ZNF696: variants seen among roughly 807,000 people sequenced by gnomAD.
The protein encoded by ZNF696 is zinc finger protein 696.
A neutral mutation model predicts 12.3 loss-of-function variants in ZNF696; 10 were observed. The observed-to-expected ratio is 0.81, with a 90% CI of 0.50 to 1.38. The LOEUF (loss-of-function observed/expected upper bound fraction) is 1.38, where lower values mean the gene tolerates loss of function less well. Ranked by LOEUF, ZNF696 falls within the 40% of genes most tolerant of loss-of-function variation. ZNF696 has a pLI of 0.00. For missense variants in ZNF696, 675 were observed against 554.7 expected, an observed-to-expected ratio of 1.22 and a Z score of -2.18; for synonymous variants, 304 against 243.9, an observed-to-expected ratio of 1.25 and a Z score of -2.29.
At position 143,298,664 on chromosome 8, in the gene ZNF696, A is replaced by G. The variant is rs1049266306; in HGVS notation, c.*1864A>G. Among the ~76,000 whole-genome samples the G allele has an allele frequency of 6.6e-6, 1 of 152,224 alleles. No homozygotes were observed. The highest frequency in any genetic ancestry group is 2.4e-5 in the African/African-American group (1 of 41,456). ...TCATCATACAGGTGAGAGGATAGTTATGTGTGAGGTGTTCAAAGAAGTCGC... is the reference window on the plus strand; with the variant it reads ...TCATCATACAGGTGAGAGGATAGTTGTGTGTGAGGTGTTCAAAGAAGTCGC... On this transcript the variant is annotated 3_prime_UTR_variant, in exon 3 of 3. Coordinates refer to ENST00000330143, the MANE Select transcript of ZNF696 (RefSeq NM_030895.3).
In ZNF696 at chr8:143,296,015, G is replaced by A. The variant is rs763972581; in HGVS notation, c.340G>A (p.Ala114Thr). ...SDVPPNAGPG[A>T]EGGGSWKGRP... ...CGTCCCTCCGAACGCAGGCCCCGGC[G>A]CAGAGGGCGGGGGCAGCTGGAAGGG... The change falls in exon 3 of 3, where the codon GCA becomes ACA. Residue 114 changes from alanine (A) to threonine (T), a missense_variant. Coordinates refer to ENST00000330143, the MANE Select transcript of ZNF696 (RefSeq NM_030895.3). 5 of 1,595,446 alleles carry A rather than the reference G, an allele frequency of 3.1e-6. No individual in the cohort carries two copies. Among genetic ancestry groups the A allele is most frequent in the Middle Eastern group, 1.7e-4 (1 of 6,044 alleles).
In ZNF696 at chr8:143,296,688, G is replaced by C; in HGVS notation, c.1013G>C (p.Arg338Pro). The C allele has an allele frequency of 6.4e-7, 1 of 1,566,566 alleles. No individual in the cohort carries two copies. The highest frequency in any genetic ancestry group is 8.6e-7 in the Non-Finnish European group (1 of 1,163,888). ...RAFRALSGFF[R>P]HQRLHTGEKP... ...TTCCGGGCGCTGTCGGGCTTCTTCC[G>C]GCACCAGCGACTCCACACGGGCGAG... Residue 338 changes from arginine (R) to proline (P), a missense_variant, in exon 3 of 3, where the codon CGG becomes CCG. Coordinates refer to ENST00000330143, the MANE Select transcript of ZNF696 (RefSeq NM_030895.3).
rs1452590218 is a variant in ZNF696, at chr8:143,299,140, A to G, written c.*2340A>G. ...CGCCATTGCACTCCAGCCTGGGCAA[A>G]AAGAGCAAAACTCCATCTTAAAAAA... On this transcript the variant is annotated 3_prime_UTR_variant, in exon 3 of 3. Transcript: ENST00000330143. 6.6e-6 allele frequency among the ~76,000 whole-genome samples: 1 copy of G among 152,102 alleles called. No homozygotes were observed. Among genetic ancestry groups the G allele is most frequent in the African/African-American group, 2.4e-5 (1 of 41,406 alleles).
intron 1 of ZNF696, chr8:143,292,264 C>A (rs894331163): frequency 1.3e-5 from 2 of 152,258 alleles, no homozygotes; most frequent in African/African-American, 4.8e-5. Context: ...AGCCAAATTA[C>A]ATTTCTTAAT....
In ZNF696 at chr8:143,291,462, C is replaced by T. The variant is rs531132303; in HGVS notation, c.-336C>T. On this transcript the variant is annotated 5_prime_UTR_variant, in exon 1 of 3. Transcript: ENST00000330143. ...GCTCTGGACGCTGAGGCCCCGGCTTCTCTTGCTGGGGTGTCGATTCGGGAG... is the reference window on the plus strand; with the variant it reads ...GCTCTGGACGCTGAGGCCCCGGCTTTTCTTGCTGGGGTGTCGATTCGGGAG... The T allele has an allele frequency of 2.0e-4, 194 of 985,478 alleles. 1 individual carries two copies. The South Asian group carries it at 5.6e-3, about 29-fold the overall frequency. 61.0% of individuals were successfully genotyped at this position (985,478 alleles called of 1,614,324 possible). A position where few individuals can be genotyped will look rare whatever the true frequency, so the allele number is the denominator to read the frequency against.
rs904284660 is a variant in ZNF696 at position 143,296,101 on chromosome 8, G to A, written c.426G>A (p.Lys142=). The change falls in exon 3 of 3, where the codon AAG becomes AAA. Residue 142 remains lysine (K), a synonymous_variant. Transcript: ENST00000330143. ...TCAAGTGCTCCTCGGACGCGGCAAA[G>A]CACCGGAGCATCCACTCGGGGGAGA... The part of the protein sequence containing the change: ...RSFKCSSDAA[K]HRSIHSGEKP... 3 of 1,607,278 alleles carry A rather than the reference G, an allele frequency of 1.9e-6. No homozygotes were observed. In the African/African-American group the frequency reaches 4.0e-5, roughly 21 times the overall value.
chr8:143,296,265 T>G lies in ZNF696; in HGVS notation c.590T>G (p.Leu197Arg), dbSNP rs1815711035. The change falls in exon 3 of 3, where the codon CTC becomes CGC. Residue 197 changes from leucine (L) to arginine (R), a missense_variant. Transcript: ENST00000330143. The part of the protein sequence containing the change: ...GKAFGQSFNL[L>R]RHQRVHTGEK... ...GCCTTCGGCCAGAGCTTCAACCTCC[T>G]CCGGCACCAGCGCGTGCACACGGGC... 6.3e-7 allele frequency: 1 copy of G among 1,598,176 alleles called. No homozygotes were observed. Among genetic ancestry groups the G allele is most frequent in the African/African-American group, 1.3e-5 (1 of 74,628 alleles).
intron 2 of ZNF696, among the ~76,000 whole-genome samples, chr8:143,293,640 G>A (rs371761507): frequency 5.3e-5 from 8 of 152,334 alleles, no homozygotes; most frequent in African/African-American, 1.7e-4. Context: ...TCGGAAAGGC[G>A]TCCTTGGGGC....
In ZNF696 at chr8:143,296,462, A is replaced by G. The variant is rs1815717238; in HGVS notation, c.787A>G (p.Asn263Asp). 1.2e-6 allele frequency: 2 copies of G among 1,607,716 alleles called. No individual in the cohort carries two copies. The highest frequency in any genetic ancestry group is 1.7e-6 in the Non-Finnish European group (2 of 1,178,858). Residue 263 changes from asparagine (N) to aspartate (D), a missense_variant, in exon 3 of 3, where the codon AAC (asparagine) becomes GAC (aspartate). By Grantham distance (23) the Asn-to-Asp change is conservative. Transcript: ENST00000330143. ...VRHRRTHHGE[N>D]PYECRECGQA... Reference sequence around the variant, plus strand: ...GCACCGGCGGACCCACCACGGGGAGAACCCGTACGAGTGCCGGGAGTGCGG... The same window carrying G: ...GCACCGGCGGACCCACCACGGGGAGGACCCGTACGAGTGCCGGGAGTGCGG...
chr8:143,295,663 TCAC>T (rs1414578902), intron 2 of ZNF696, 74 bp from the exon 3 acceptor site: 102 of 1,419,452 alleles, frequency 7.2e-5, no homozygotes, highest in Middle Eastern at 5.0e-4. Flanking sequence ...CACTCTGTCG[TCAC>T]CACGATTGCC....
At position 143,296,982 on chromosome 8, in the gene ZNF696, G is replaced by A; in HGVS notation, c.*182G>A. 2 of 577,368 alleles carry A rather than the reference G, an allele frequency of 3.5e-6. No homozygotes were observed. Among genetic ancestry groups the A allele is most frequent in the East Asian group, 3.7e-5 (1 of 27,350 alleles). 35.8% of individuals were successfully genotyped at this position (577,368 alleles called of 1,614,324 possible). A position where few individuals can be genotyped will look rare whatever the true frequency, so the allele number is the denominator to read the frequency against. ...GGCTTGGGAGCAATCAGGAGAGACA[G>A]GGCTCGGGGAAGGCGAGCGCTGCCC... On this transcript the variant is annotated 3_prime_UTR_variant, in exon 3 of 3. Transcript: ENST00000330143.
rs747942196 is a variant in ZNF696 at position 143,299,732 on chromosome 8, C to CA, written c.*2934dup. On this transcript the variant is annotated 3_prime_UTR_variant, in exon 3 of 3. Coordinates refer to ENST00000330143, the MANE Select transcript of ZNF696 (RefSeq NM_030895.3). ...CCTGTAATCCCAGCACTTTGGAGGC[C>CA]AAGGTGGGTGGATCGCTTAAGCCCA... Among the ~76,000 whole-genome samples, 1 of 152,126 alleles carries CA rather than the reference C, an allele frequency of 6.6e-6. No homozygotes were observed. Among genetic ancestry groups the CA allele is most frequent in the Non-Finnish European group, 1.5e-5 (1 of 68,022 alleles).
Position 143,298,714 on chromosome 8 carries a change from G to T in ZNF696, c.*1914G>T, listed in dbSNP as rs1028054150. Among the ~76,000 whole-genome samples, 1 of 152,208 alleles carries T rather than the reference G, an allele frequency of 6.6e-6. No individual in the cohort carries two copies. Among genetic ancestry groups the T allele is most frequent in the African/African-American group, 2.4e-5 (1 of 41,452 alleles). On this transcript the variant is annotated 3_prime_UTR_variant, in exon 3 of 3. Transcript: ENST00000330143. ...CGCAGTCAGTGATGAGAAAGCTGTAGGGTACATACTGTCACGCATGAATAG... is the reference window on the plus strand; with the variant it reads ...CGCAGTCAGTGATGAGAAAGCTGTATGGTACATACTGTCACGCATGAATAG...
rs777289852 is a variant in ZNF696, at chr8:143,296,555, G to C, written c.880G>C (p.Ala294Pro). ...CGTGCACACGGGGGAGCGGCCCTTC[G>C]CCTGCCAGGACTGCGGCCGCGCCTT... ...QRVHTGERPF[A>P]CQDCGRAFSR... The change falls in exon 3 of 3, where the codon GCC becomes CCC. Residue 294 changes from alanine to proline, a missense_variant. Physicochemically the swap from Ala to Pro is conservative, Grantham distance 27. Transcript: ENST00000330143. 7 of 1,598,070 alleles carry C rather than the reference G, an allele frequency of 4.4e-6. No homozygotes were observed. In the South Asian group the frequency reaches 5.5e-5, roughly 13 times the overall value.
At chr8:143,291,981 C>T (rs1204974879) in intron 1 of ZNF696, among the ~76,000 whole-genome samples, 1 of 151,970 alleles carries the variant, frequency 6.6e-6, no homozygotes, top group East Asian at 1.9e-4. Context: ...TTTTTTAAGA[C>T]AGGGTCTCAC....
chr8:143,296,861 A>G lies in ZNF696; in HGVS notation c.*61A>G. ...GTGGGCGCGAGGCCGAGGCCGGGGG[A>G]GGCTCCTGTCCGCCCCGTGCGCGGT... On this transcript the variant is annotated 3_prime_UTR_variant, in exon 3 of 3. Transcript: ENST00000330143. 1 of 1,335,964 alleles carries G rather than the reference A, an allele frequency of 7.5e-7. No individual in the cohort carries two copies. Among genetic ancestry groups the G allele is most frequent in the Non-Finnish European group, 9.6e-7 (1 of 1,040,020 alleles). The allele number at this position is 1,335,964 out of a possible 1,614,324, so 82.8% of individuals were successfully genotyped here.
In ZNF696 at chr8:143,296,561, C is replaced by G. The variant is rs371549135; in HGVS notation, c.886C>G (p.Gln296Glu). Residue 296 changes from glutamine to glutamate, a missense_variant, in exon 3 of 3, where the codon CAG becomes GAG. Transcript: ENST00000330143. The stretch of plus-strand genomic sequence containing the variant: ...CACGGGGGAGCGGCCCTTCGCCTGC[C>G]AGGACTGCGGCCGCGCCTTCAGCCG... ...VHTGERPFAC[Q>E]DCGRAFSRSS... 2.6e-5 allele frequency: 41 copies of G among 1,597,622 alleles called. No homozygotes were observed. The African/African-American group carries it at 4.7e-4, about 18-fold the overall frequency.
chr8:143,294,974 G>A (rs567643652), intron 2 of ZNF696, among the ~76,000 whole-genome samples: 52 of 152,202 alleles, frequency 3.4e-4, no homozygotes, highest in African/African-American at 1.2e-3. Flanking sequence ...CTGGAGGTGC[G>A]CCACCTACTT....
rs966485578 is a variant in ZNF696, at chr8:143,296,040, G to C, written c.365G>C (p.Gly122Ala). 8 of 1,593,970 alleles carry C rather than the reference G, an allele frequency of 5.0e-6. No individual in the cohort carries two copies. The highest frequency in any genetic ancestry group is 2.7e-5 in the African/African-American group (2 of 74,454). Residue 122 changes from glycine (G) to alanine (A), a missense_variant, in exon 3 of 3, where the codon GGG becomes GCG. Transcript: ENST00000330143. ...GCAGAGGGCGGGGGCAGCTGGAAGGGGCGGCCTTTCCCGTGCGGCGCCTGT... is the reference window on the plus strand; with the variant it reads ...GCAGAGGGCGGGGGCAGCTGGAAGGCGCGGCCTTTCCCGTGCGGCGCCTGT... ...PGAEGGGSWKGRPFPCGACGR... is the reference protein window; with the variant it reads ...PGAEGGGSWKARPFPCGACGR...
Sources: allele counts gnomAD v4.1 joint callset (sites outside exome capture counted in the v4.1 genomes callset), GRCh38; gene constraint gnomAD v4.1.1; transcripts MANE v1.5; gene names NCBI Gene and HGNC (gene_info 2026-07-23, HGNC 2026-07-21).